The following OCA2 variants were observed in gnomAD, a reference collection of about 807,000 sequenced individuals.
OCA2 encodes P protein.
A neutral mutation model predicts 100.2 loss-of-function variants in OCA2; 77 were observed. The ratio of observed to expected loss-of-function variants is 0.77; its 90% CI spans 0.64 to 0.93. The LOEUF is 0.93. OCA2 is among the 40% of genes least tolerant of loss of function. The pLI is 0.00. For missense variants in OCA2, 1,062 were observed against 1,089.1 expected (o/e 0.98, Z 0.35); for synonymous variants, 432 against 439.2 (o/e 0.98, Z 0.21).
chr15:27,913,884 AAAGAAAGAAAGC>A (rs1194688689), intron 19 of OCA2, among the ~76,000 whole-genome samples: 1,183 of 63,746 alleles, frequency 0.019, 13 homozygotes, highest in Non-Finnish European at 0.026. Context: ...AGAAAGAAAG[AAAGAAAGAAAGC>A]AAGCAAGCAA....
chr15:27,828,930 A>G (rs2034837806), intron 23 of OCA2, among the ~76,000 whole-genome samples: 1 of 152,176 alleles, frequency 6.6e-6, no homozygotes, highest in Non-Finnish European at 1.5e-5. Flanking sequence ...CTGAGACAGA[A>G]AAGTCAGAGA....
At chr15:27,977,213 T>C (rs2040998530) in intron 14 of OCA2, among the ~76,000 whole-genome samples, 1 of 152,178 alleles carries the variant, frequency 6.6e-6, no homozygotes, top group Non-Finnish European at 1.5e-5. Context: ...AAGAACCAGC[T>C]TTTGCTTTCG....
chr15:27,769,301 T>C (rs2031531093), intron 23 of OCA2, among the ~76,000 whole-genome samples: 1 of 152,226 alleles, frequency 6.6e-6, no homozygotes, highest in African/African-American at 2.4e-5. Context: ...ACAGCCCCTG[T>C]GTTACACGCG....
chr15:27,846,410 C>G (rs572772465), intron 22 of OCA2, among the ~76,000 whole-genome samples: 1 of 152,304 alleles, frequency 6.6e-6, no homozygotes, highest in Admixed American at 6.5e-5. Flanking sequence ...ACAGCATCAG[C>G]CTGCACCCTA....
At position 28,014,917 on chromosome 15, in the gene OCA2, G is replaced by A; in HGVS notation, c.903C>T (p.Ser301=). 1 of 1,614,134 alleles carries A rather than the reference G, an allele frequency of 6.2e-7. No homozygotes were observed. The highest frequency in any genetic ancestry group is 8.5e-7 in the Non-Finnish European group (1 of 1,180,028). ...GCTGCAGGGAGGCCCGGATGCTGAT[G>A]GACACCGTCTCTCTGCAGAACGAAA... ...TFEVLTRETV[S]ISIRASLQQT... is the part of the protein sequence containing the mutation. The change falls in exon 9 of 24, where the codon TCC becomes TCT. Residue 301 remains serine (S), a synonymous_variant. Transcript: ENST00000354638.
intron 1 of OCA2, among the ~76,000 whole-genome samples, chr15:28,093,759 A>G (rs966076217): frequency 5.1e-4 from 78 of 152,348 alleles, no homozygotes; most frequent in African/African-American, 1.8e-3. Context: ...CCACGCCACA[A>G]TCAAAAGGAA....
intron 11 of OCA2, among the ~76,000 whole-genome samples, chr15:27,987,709 C>A (rs1476448879): frequency 6.6e-6 from 1 of 151,814 alleles, no homozygotes; most frequent in African/African-American, 2.4e-5. Context: ...AGCCTGGAGA[C>A]AGAGCGAGAC....
At chr15:27,741,035 A>G in the OCA2 span, among the ~76,000 whole-genome samples, 2 of 152,360 alleles carry the variant, frequency 1.3e-5, no homozygotes, top group South Asian at 4.1e-4. Context: ...TGTGGATAAC[A>G]GCAGGGTGAG....
intron 19 of OCA2, among the ~76,000 whole-genome samples, chr15:27,898,773 G>A (rs1304867936): frequency 1.3e-5 from 2 of 152,112 alleles, no homozygotes; most frequent in Non-Finnish European, 2.9e-5. Context: ...GAACAGAAGG[G>A]TTGTTATTAT....
At chr15:27,720,100 TGAA>T in the OCA2 span, among the ~76,000 whole-genome samples, 3 of 152,192 alleles carry the variant, frequency 2.0e-5, no homozygotes, top group Admixed American at 6.5e-5. Context: ...ATTGCCACAA[TGAA>T]GATTAGGTTT....
the OCA2 span, among the ~76,000 whole-genome samples, chr15:27,731,697 T>C: frequency 1.3e-5 from 2 of 152,212 alleles, no homozygotes; most frequent in African/African-American, 4.8e-5. Context: ...CTCAGCTGAA[T>C]GGGCTTCAGT....
At chr15:28,019,411 C>T (rs534173088) in intron 6 of OCA2, among the ~76,000 whole-genome samples, 13 of 152,172 alleles carry the variant, frequency 8.5e-5, no homozygotes, top group African/African-American at 3.1e-4. Context: ...TTGCCCAGTG[C>T]CCTGGGAGCC....
At chr15:27,899,664 C>G (rs986116915) in intron 19 of OCA2, among the ~76,000 whole-genome samples, 1 of 152,158 alleles carries the variant, frequency 6.6e-6, no homozygotes, top group Non-Finnish European at 1.5e-5. Context: ...ACTCACTGGT[C>G]GTACCATGTG....
chr15:27,833,955 G>A (rs1028352800), intron 23 of OCA2, among the ~76,000 whole-genome samples: 2 of 152,100 alleles, frequency 1.3e-5, no homozygotes, highest in South Asian at 2.1e-4. Flanking sequence ...AAAAATATTC[G>A]GTCTTTGTCC....
At chr15:27,808,480 A>G (rs772315643) in intron 23 of OCA2, among the ~76,000 whole-genome samples, 15 of 152,212 alleles carry the variant, frequency 9.9e-5, no homozygotes, top group Non-Finnish European at 1.9e-4. Context: ...CTGTCTCAAG[A>G]TGGAATGGGC....
At chr15:27,982,981 A>C (rs889201784) in intron 14 of OCA2, among the ~76,000 whole-genome samples, 1 of 152,174 alleles carries the variant, frequency 6.6e-6, no homozygotes, top group East Asian at 1.9e-4. Flanking sequence ...CTAATCCACC[A>C]CAGTTTGGGA....
intron 23 of OCA2, chr15:27,776,742 G>A (rs11631195): frequency 0.27 from 41,688 of 152,176 alleles, 6,819 homozygotes; most frequent in Non-Finnish European, 0.37. Flanking sequence ...GGCTCCAGCT[G>A]ACGATTGCAC....
At chr15:27,875,850 G>A (rs193216603) in intron 19 of OCA2, among the ~76,000 whole-genome samples, 27 of 151,444 alleles carry the variant, frequency 1.8e-4, no homozygotes, top group African/African-American at 6.3e-4. Context: ...ATTGATTTTT[G>A]GATACTGATC....
chr15:28,073,160 T>A (rs571427434), intron 2 of OCA2, among the ~76,000 whole-genome samples: 9 of 152,282 alleles, frequency 5.9e-5, no homozygotes, highest in Non-Finnish European at 1.3e-4. Flanking sequence ...ACACCTGTAA[T>A]CCCAGCACTT....
Sources: gnomAD v4.1 joint callset for allele counts (sites outside exome capture counted in the v4.1 genomes callset) on GRCh38, gnomAD v4.1.1 for gene constraint, MANE v1.5 for transcripts, NCBI Gene and HGNC (gene_info 2026-07-23, HGNC 2026-07-21) for gene names.